The following C17orf107 variants were observed in gnomAD, a reference collection of about 807,000 sequenced individuals.
C17orf107 encodes chromosome 17 open reading frame 107.
C17orf107 carries 9 observed loss-of-function variants against 8.9 expected under a neutral mutation model. The ratio of observed to expected loss-of-function variants is 1.02; its 90% CI spans 0.61 to 1.77. The LOEUF (loss-of-function observed/expected upper bound fraction) is 1.77. C17orf107 is among the 40% of genes most tolerant of loss of function. C17orf107 has a pLI of 0.00. For missense variants in C17orf107, 281 were observed against 249.0 expected, an observed-to-expected ratio of 1.13 and a Z score of -0.86; for synonymous variants, 139 against 120.3, an observed-to-expected ratio of 1.16 and a Z score of -1.02.
chr17:4,902,914 A>T lies in C17orf107; in HGVS notation c.*2381A>T. 1 of 1,586,628 alleles carries T rather than the reference A, an allele frequency of 6.3e-7. No individual in the cohort carries two copies. Among genetic ancestry groups the T allele is most frequent in the Non-Finnish European group, 8.7e-7 (1 of 1,155,642 alleles). On this transcript the variant is annotated 3_prime_UTR_variant, in exon 3 of 3. Transcript: ENST00000381365. This position sits in a 1 kb window ranked among gnomAD's most constrained non-coding sequence, Gnocchi z 4.0. ...CCAATTATGCTGTGCCTGGGAACGA[A>T]ATACTGTGTCTAAGTCTCCATCTTG...
Position 4,900,692 on chromosome 17 carries a change from G to A in C17orf107, c.*159G>A, listed in dbSNP as rs887616799. 3 of 1,467,820 alleles carry A rather than the reference G, an allele frequency of 2.0e-6. No individual in the cohort carries two copies. The highest frequency in any genetic ancestry group is 2.0e-5 in the Admixed American group (1 of 50,660). 90.9% of individuals were successfully genotyped at this position (1,467,820 alleles called of 1,614,324 possible). On this transcript the variant is annotated 3_prime_UTR_variant, in exon 3 of 3. Transcript: ENST00000381365. ...CCACCCAGCGTCCGAATAAAGCCCA[G>A]GGCGGGGCGAGACAGCCAGAGCTTT...
rs769682214 is a variant in C17orf107 at position 4,901,893 on chromosome 17, C to CA, written c.*1362dup. The CA allele has an allele frequency of 1.9e-6, 3 of 1,607,496 alleles. No homozygotes were observed. The highest frequency in any genetic ancestry group is 1.7e-5 in the Admixed American group (1 of 59,932). On this transcript the variant is annotated 3_prime_UTR_variant, in exon 3 of 3. Coordinates refer to ENST00000381365, the MANE Select transcript of C17orf107 (RefSeq NM_001145536.2). ...GGCCCCGCCCCATAAGGCCCCCCCC[C>CA]AACAATAATCGTCCGGGCCTCGGAG... is the stretch of plus-strand genomic sequence containing the variant.
At chr17:4,903,057 T>C (rs201118080), downstream of C17orf107, 6 of 1,613,894 alleles carry the variant, frequency 3.7e-6, no homozygotes, top group Non-Finnish European at 5.1e-6. Context: ...AGCGGAGCCC[T>C]TGCCATCCTG....
In C17orf107 at chr17:4,901,653, C is replaced by CT. The variant is rs776594213; in HGVS notation, c.*1120_*1121insT. ...GCGGAGCCAGGGCCGGGAGCCCACCCCAGAAGCTCTGACCTGGGCCCCGGC... is the reference window on the plus strand; with the variant it reads ...GCGGAGCCAGGGCCGGGAGCCCACCCTCAGAAGCTCTGACCTGGGCCCCGGC... On this transcript the variant is annotated 3_prime_UTR_variant, in exon 3 of 3. Coordinates refer to ENST00000381365, the MANE Select transcript of C17orf107 (RefSeq NM_001145536.2). 3.7e-6 allele frequency: 6 copies of CT among 1,602,812 alleles called. No homozygotes were observed. Among genetic ancestry groups the CT allele is most frequent in the Admixed American group, 1.7e-5 (1 of 59,934 alleles).
rs1453842961 is a variant in C17orf107 at position 4,899,582 on chromosome 17, C to G, written c.-181C>G. ...CGACCACCATGACGAAAATAAGGAACCTGAGGAGCCCGGAAGGCATGACAT... is the reference window on the plus strand; with the variant it reads ...CGACCACCATGACGAAAATAAGGAAGCTGAGGAGCCCGGAAGGCATGACAT... On this transcript the variant is annotated 5_prime_UTR_variant, in exon 1 of 3. Transcript: ENST00000381365. The G allele has an allele frequency of 3.2e-6, 5 of 1,573,318 alleles. No homozygotes were observed. The highest frequency in any genetic ancestry group is 4.3e-6 in the Non-Finnish European group (5 of 1,158,646).
rs79009580 is a variant in C17orf107, at chr17:4,900,330, C to T, written c.370C>T (p.Arg124Trp). The T allele has an allele frequency of 1.5e-3, 2,324 of 1,545,592 alleles. 36 individuals are homozygous for T. The African/African-American group carries it at 0.028, about 19-fold the overall frequency. Residue 124 changes from arginine to tryptophan, a missense_variant, in exon 3 of 3, where the codon CGG (arginine) becomes TGG (tryptophan). Physicochemically the swap from Arg to Trp is moderately radical, Grantham distance 101. Coordinates refer to ENST00000381365, the MANE Select transcript of C17orf107 (RefSeq NM_001145536.2). ...DGRDPGAALS[R>W]VAQAAGQGVR... The stretch of plus-strand genomic sequence containing the variant: ...CAGGGATCCGGGTGCAGCGCTGAGC[C>T]GGGTAGCCCAAGCCGCAGGGCAGGG...
Position 4,900,588 on chromosome 17 carries a change from G to A in C17orf107, c.*55G>A, listed in dbSNP as rs1031334298. 4 of 1,545,272 alleles carry A rather than the reference G, an allele frequency of 2.6e-6. No individual in the cohort carries two copies. In the African/African-American group the frequency reaches 5.5e-5, roughly 21 times the overall value. On this transcript the variant is annotated 3_prime_UTR_variant, in exon 3 of 3. Transcript: ENST00000381365. ...CTGAGCCGGACTGTCCCCCAAGAGA[G>A]CTACTCGGGAGACCTCCAGGTGACG...
In C17orf107 at chr17:4,901,804, C is replaced by A; in HGVS notation, c.*1271C>A. ...TCCGGCCGCGCTGGAGCGTCCCACCCAGTGCCTACGCCTGGCTCCGCCTCC... is the reference window on the plus strand; with the variant it reads ...TCCGGCCGCGCTGGAGCGTCCCACCAAGTGCCTACGCCTGGCTCCGCCTCC... On this transcript the variant is annotated 3_prime_UTR_variant, in exon 3 of 3. Transcript: ENST00000381365. 1 of 1,413,242 alleles carries A rather than the reference C, an allele frequency of 7.1e-7. No homozygotes were observed. Among genetic ancestry groups the A allele is most frequent in the Non-Finnish European group, 9.9e-7 (1 of 1,009,134 alleles). The allele number at this position is 1,413,242 out of a possible 1,614,324, so 87.5% of individuals were successfully genotyped here.
Position 4,902,098 on chromosome 17 carries a change from G to C in C17orf107, c.*1565G>C. On this transcript the variant is annotated 3_prime_UTR_variant, in exon 3 of 3. Coordinates refer to ENST00000381365, the MANE Select transcript of C17orf107 (RefSeq NM_001145536.2). The surrounding 1 kb of genome is among the most constrained non-coding windows in gnomAD (Gnocchi z 4.0). ...AACTGGCCATCAATACTGTGGGCTC[G>C]GGGAAACCGAGCTTTTTGCACAGGT... 2 of 1,613,916 alleles carry C rather than the reference G, an allele frequency of 1.2e-6. No homozygotes were observed. The highest frequency in any genetic ancestry group is 1.7e-6 in the Non-Finnish European group (2 of 1,179,980).
rs1282925982 is a variant in C17orf107 at position 4,900,846 on chromosome 17, G to A, written c.*313G>A. 6.2e-7 allele frequency: 1 copy of A among 1,614,202 alleles called. No individual in the cohort carries two copies. The highest frequency in any genetic ancestry group is 8.5e-7 in the Non-Finnish European group (1 of 1,180,008). On this transcript the variant is annotated 3_prime_UTR_variant, in exon 3 of 3. Coordinates refer to ENST00000381365, the MANE Select transcript of C17orf107 (RefSeq NM_001145536.2). Reference sequence around the variant, plus strand: ...TCTCTGGGATTTTCTGGGCAATGAGGAACAAGAAGACGGTCTGGGCGAGCA... The same window carrying A: ...TCTCTGGGATTTTCTGGGCAATGAGAAACAAGAAGACGGTCTGGGCGAGCA...
Position 4,902,379 on chromosome 17 carries a change from G to A in C17orf107, c.*1846G>A. The A allele has an allele frequency of 6.2e-7, 1 of 1,613,262 alleles. No homozygotes were observed. Among genetic ancestry groups the A allele is most frequent in the South Asian group, 1.1e-5 (1 of 91,052 alleles). On this transcript the variant is annotated 3_prime_UTR_variant, in exon 3 of 3. Coordinates refer to ENST00000381365, the MANE Select transcript of C17orf107 (RefSeq NM_001145536.2). The surrounding 1 kb of genome is among the most constrained non-coding windows in gnomAD (Gnocchi z 4.0). ...TGCCCTGCATCTCCCACCTGGCGCT[G>A]CCTGGGAGGGGTTTGGGGGAAAAGG...
chr17:4,902,611 G>C lies in C17orf107; in HGVS notation c.*2078G>C, dbSNP rs1341882862. On this transcript the variant is annotated 3_prime_UTR_variant, in exon 3 of 3. Transcript: ENST00000381365. This position sits in a 1 kb window ranked among gnomAD's most constrained non-coding sequence, Gnocchi z 4.0. ...ATTTTTGGCTTAAGATGAGGGTGGG[G>C]GTAGCTTACCAGTGAGATGAGATTC... 2 of 1,614,098 alleles carry C rather than the reference G, an allele frequency of 1.2e-6. No individual in the cohort carries two copies. The highest frequency in any genetic ancestry group is 2.2e-5 in the East Asian group (1 of 44,862).
downstream of C17orf107, chr17:4,903,019 G>T: frequency 6.2e-7 from 1 of 1,613,954 alleles, no homozygotes; most frequent in Non-Finnish European, 8.5e-7. Flanking sequence ...TGTCCGTACC[G>T]AGAAGCCCCA....
downstream of C17orf107, among the ~76,000 whole-genome samples, chr17:4,906,520 G>C (rs1970094187): frequency 6.6e-6 from 1 of 151,970 alleles, no homozygotes; most frequent in South Asian, 2.1e-4. Flanking sequence ...TCAAAAAGAG[G>C]GCAGAAGATT....
rs1041599982 is a variant in C17orf107, at chr17:4,899,818, G to A, written c.56G>A (p.Ser19Asn). The A allele has an allele frequency of 5.2e-6, 8 of 1,551,024 alleles. No individual in the cohort carries two copies. The highest frequency in any genetic ancestry group is 4.1e-5 in the African/African-American group (3 of 73,026). Residue 19 changes from serine to asparagine, a missense_variant, in exon 1 of 3, where the codon AGC becomes AAC. Ser to Asn is a conservative substitution (Grantham distance 46). Transcript: ENST00000381365. ...DTLMWIYHFHSSTEVALQPPL... is the reference protein window; with the variant it reads ...DTLMWIYHFHNSTEVALQPPL... ...CTGATGTGGATCTACCACTTCCACAGCTCCACCGAGGTGAGGCTACGCCCG... is the reference window on the plus strand; with the variant it reads ...CTGATGTGGATCTACCACTTCCACAACTCCACCGAGGTGAGGCTACGCCCG...
At position 4,902,755 on chromosome 17, in the gene C17orf107, C is replaced by T; in HGVS notation, c.*2222C>T. The stretch of plus-strand genomic sequence containing the variant: ...AGACGCAGTTCCTCGTTCTTCCCCA[C>T]ACCCCTGCCTGCGATGGGGTCAAGA... On this transcript the variant is annotated 3_prime_UTR_variant, in exon 3 of 3. Coordinates refer to ENST00000381365, the MANE Select transcript of C17orf107 (RefSeq NM_001145536.2). This position sits in a 1 kb window ranked among gnomAD's most constrained non-coding sequence, Gnocchi z 4.0. The T allele has an allele frequency of 6.2e-7, 1 of 1,614,070 alleles. No individual in the cohort carries two copies. The highest frequency in any genetic ancestry group is 1.3e-5 in the African/African-American group (1 of 74,988).
chr17:4,903,295 G>GT (rs1334056009), downstream of C17orf107, among the ~76,000 whole-genome samples: 1 of 152,108 alleles, frequency 6.6e-6, no homozygotes, highest in African/African-American at 2.4e-5. Context: ...CCTTTGCCTG[G>GT]TATTTGGCCA....
chr17:4,901,439 C>A lies in C17orf107; in HGVS notation c.*906C>A. ...AGTTGTGGAAGTCATCCTCCAGTGT[C>A]GTTGGTCCGGGGCAAGCCCACCGTG... On this transcript the variant is annotated 3_prime_UTR_variant, in exon 3 of 3. Coordinates refer to ENST00000381365, the MANE Select transcript of C17orf107 (RefSeq NM_001145536.2). The A allele has an allele frequency of 8.0e-7, 1 of 1,255,316 alleles. No individual in the cohort carries two copies. Among genetic ancestry groups the A allele is most frequent in the Non-Finnish European group, 1.2e-6 (1 of 856,100 alleles). The allele number at this position is 1,255,316 out of a possible 1,614,324, so 77.8% of individuals were successfully genotyped here.
chr17:4,905,379 C>T (rs1970079035), downstream of C17orf107, among the ~76,000 whole-genome samples: 1 of 151,914 alleles, frequency 6.6e-6, no homozygotes, highest in African/African-American at 2.4e-5. Flanking sequence ...TGAGACCCCC[C>T]ATCTCTACAA....
Sources: allele counts gnomAD v4.1 joint callset (sites outside exome capture counted in the v4.1 genomes callset), GRCh38; gene constraint gnomAD v4.1.1; non-coding constraint Gnocchi (gnomAD v3.1); transcripts MANE v1.5; gene names NCBI Gene and HGNC (gene_info 2026-07-23, HGNC 2026-07-21).